The following MAPK4 variants were observed in gnomAD, a reference collection of about 807,000 sequenced individuals.
MAPK4 encodes the protein Erk3-related.
MAPK4 carries 22 observed loss-of-function variants against 47.7 expected under a neutral mutation model. The ratio of observed to expected loss-of-function variants is 0.46; its 90% confidence interval spans 0.33 to 0.66. The LOEUF (loss-of-function observed/expected upper bound fraction) is 0.66, where lower values mean the gene tolerates loss of function less well. MAPK4 is among the 30% of genes least tolerant of loss of function. The pLI, the probability that MAPK4 is intolerant of heterozygous loss-of-function variation, is 0.02. For synonymous variants in MAPK4, 390 were observed against 365.7 expected (o/e 1.07, Z -0.76); for missense variants, 736 against 831.7 (o/e 0.88, Z 1.42).
intron 1 of MAPK4, among the ~76,000 whole-genome samples, chr18:50,634,702 C>G (rs186837066): frequency 6.6e-6 from 1 of 152,172 alleles, no homozygotes; most frequent in Non-Finnish European, 1.5e-5. Context: ...AGCCAGGGAA[C>G]AACTAGGAAC....
chr18:50,663,937 G>T lies in MAPK4; in HGVS notation c.-22G>T. ...TGACTGCCCCTGTGTTACCTGGGCA[G>T]CTCCAGATCACTGAGCCCACAATGG... On this transcript the variant is annotated 5_prime_UTR_variant, in exon 2 of 6. Transcript: ENST00000400384. 6.3e-7 allele frequency: 1 copy of T among 1,593,364 alleles called. No homozygotes were observed. Among genetic ancestry groups the T allele is most frequent in the Admixed American group, 1.7e-5 (1 of 58,594 alleles).
chr18:50,626,209 A>T (rs990434085), intron 1 of MAPK4, among the ~76,000 whole-genome samples: 1 of 152,220 alleles, frequency 6.6e-6, no homozygotes, highest in Non-Finnish European at 1.5e-5. Context: ...ATCCAAAAAC[A>T]TCCTTACAGA....
chr18:50,709,867 G>C (rs534497567), intron 2 of MAPK4, among the ~76,000 whole-genome samples: 4 of 152,096 alleles, frequency 2.6e-5, no homozygotes, highest in Admixed American at 6.5e-5. Flanking sequence ...ATTACTTCCT[G>C]GTCCTTACAT....
In MAPK4 at chr18:50,664,536, G is replaced by A. The variant is rs201148651; in HGVS notation, c.546+32G>A. 7 of 1,548,484 alleles carry A rather than the reference G, an allele frequency of 4.5e-6. No individual in the cohort carries two copies. The highest frequency in any genetic ancestry group is 4.5e-5 in the East Asian group (2 of 44,192). ...CTGGCTGGAATGGCGGATACTGGTGGTCCACAGAATCCCCAAGAATACTTG... is the reference window on the plus strand; with the variant it reads ...CTGGCTGGAATGGCGGATACTGGTGATCCACAGAATCCCCAAGAATACTTG... On this transcript the variant is annotated intron_variant, in intron 2 of 5. Transcript: ENST00000400384. The surrounding 1 kb of genome is among the most constrained non-coding windows in gnomAD (Gnocchi z 6.0).
At chr18:50,600,110 A>G (rs2042521706) in intron 1 of MAPK4, among the ~76,000 whole-genome samples, 1 of 152,216 alleles carries the variant, frequency 6.6e-6, no homozygotes, top group African/African-American at 2.4e-5. Context: ...TGTGTATTCT[A>G]ATCATTTCCC....
chr18:50,613,116 GC>G (rs1383007198), intron 1 of MAPK4, among the ~76,000 whole-genome samples: 3 of 152,106 alleles, frequency 2.0e-5, no homozygotes, highest in Non-Finnish European at 4.4e-5. Flanking sequence ...CTTTATAGTA[GC>G]CCCCCTGTAT....
chr18:50,566,562 T>G (rs1409635458), intron 1 of MAPK4, among the ~76,000 whole-genome samples: 1 of 152,206 alleles, frequency 6.6e-6, no homozygotes, highest in Non-Finnish European at 1.5e-5. Flanking sequence ...GGAAAAGGGT[T>G]TGATAACTTG....
chr18:50,704,951 CT>C, intron 2 of MAPK4: 1 of 394,736 alleles, frequency 2.5e-6, no homozygotes, highest in Non-Finnish European at 4.5e-6. Context: ...TTCTTTCTTT[CT>C]TTTTGAGGGT....
At chr18:50,658,550 C>T (rs1485475626) in intron 1 of MAPK4, among the ~76,000 whole-genome samples, 2 of 152,258 alleles carry the variant, frequency 1.3e-5, no homozygotes, top group Non-Finnish European at 2.9e-5. Flanking sequence ...GGTAAACCCT[C>T]AGGACATGCA....
chr18:50,639,203 T>C (rs1391356405), intron 1 of MAPK4, among the ~76,000 whole-genome samples: 4 of 152,160 alleles, frequency 2.6e-5, no homozygotes, highest in Non-Finnish European at 5.9e-5. Context: ...AGACATAAAG[T>C]AATTCCCTAA....
In MAPK4 at chr18:50,674,661, C is replaced by T. The variant is rs148635306; in HGVS notation, c.546+10157C>T. On this transcript the variant is annotated intron_variant, in intron 2 of 5. Coordinates refer to ENST00000400384, the MANE Select transcript of MAPK4 (RefSeq NM_002747.4). The stretch of plus-strand genomic sequence containing the variant: ...AATGTCCCACCTCTGTGAAGCTTCA[C>T]CCAGCAACCCAGGGAAGAGTTAATC... 3.9e-3 allele frequency among the ~76,000 whole-genome samples: 600 copies of T among 152,314 alleles called. 2 individuals are homozygous for T. The highest frequency in any genetic ancestry group is 6.9e-3 in the Non-Finnish European group (471 of 68,010).
rs1445961216 is a variant in MAPK4, at chr18:50,704,359, A to G, written c.547-10720A>G. Among the ~76,000 whole-genome samples the G allele has an allele frequency of 2.6e-5, 4 of 152,240 alleles. No homozygotes were observed. The South Asian group carries it at 6.2e-4, about 24-fold the overall frequency. On this transcript the variant is annotated intron_variant, in intron 2 of 5. Coordinates refer to ENST00000400384, the MANE Select transcript of MAPK4 (RefSeq NM_002747.4). ...CCCTGTCTCTACAGAAAACACAAAA[A>G]TTAGCCAGGCGTGGTGGTGCATGCC...
intron 1 of MAPK4, among the ~76,000 whole-genome samples, chr18:50,653,617 ACT>A (rs2043075672): frequency 6.6e-6 from 1 of 152,180 alleles, no homozygotes; most frequent in Non-Finnish European, 1.5e-5. Flanking sequence ...AGTCATTTCA[ACT>A]CTCTGCAAAA....
rs77463816 is a variant in MAPK4, at chr18:50,615,132, C to T, written c.-870-47957C>T. Among the ~76,000 whole-genome samples, 1,072 of 152,238 alleles carry T rather than the reference C, an allele frequency of 7.0e-3. 16 individuals are homozygous for T. The highest frequency in any genetic ancestry group is 0.025 in the African/African-American group (1,019 of 41,536). ...GTGGATGTTCAGGTGCCCACTCGCT[C>T]GTGCTGTGTCGGTGCCCAGCACTGG... On this transcript the variant is annotated intron_variant, in intron 1 of 5. Transcript: ENST00000400384.
intron 1 of MAPK4, among the ~76,000 whole-genome samples, chr18:50,653,044 C>T (rs2043067264): frequency 6.6e-6 from 1 of 152,174 alleles, no homozygotes; most frequent in South Asian, 2.1e-4. Context: ...AAAAACCTAG[C>T]TGGACACAGT....
chr18:50,641,472 G>A (rs564948855), intron 1 of MAPK4, among the ~76,000 whole-genome samples: 13 of 152,062 alleles, frequency 8.5e-5, no homozygotes, highest in East Asian at 3.9e-4. Context: ...ATAGATGTTC[G>A]ATTTGAACTT....
At chr18:50,601,170 T>A (rs2149372391) in intron 1 of MAPK4, among the ~76,000 whole-genome samples, 1 of 151,100 alleles carries the variant, frequency 6.6e-6, no homozygotes, top group South Asian at 2.1e-4. Context: ...GTTCCTATTT[T>A]TAAAAATACA....
intron 1 of MAPK4, among the ~76,000 whole-genome samples, chr18:50,590,692 C>T (rs185432151): frequency 6.6e-6 from 1 of 152,276 alleles, no homozygotes; most frequent in East Asian, 1.9e-4. Flanking sequence ...AATTCTGTTG[C>T]CCTTGGAGTT....
intron 2 of MAPK4, among the ~76,000 whole-genome samples, chr18:50,703,505 G>A (rs4260159): frequency 0.17 from 25,178 of 152,060 alleles, 2,249 homozygotes; most frequent in African/African-American, 0.23. Context: ...GAGGCAGTGC[G>A]CCTCCATTCA....
Sources: gnomAD v4.1 joint callset for allele counts (sites outside exome capture counted in the v4.1 genomes callset) on GRCh38, gnomAD v4.1.1 for gene constraint, Gnocchi (gnomAD v3.1) non-coding constraint, MANE v1.5 for transcripts, NCBI Gene and HGNC (gene_info 2026-07-23, HGNC 2026-07-21) for gene names.